GTPBP4: variants seen among roughly 807,000 people sequenced by gnomAD.
The protein encoded by GTPBP4 is GTP-binding protein 4.
GTPBP4 carries 15 observed loss-of-function variants against 81.7 expected under a neutral mutation model. That is an observed-to-expected ratio of 0.18 (90% CI 0.12 to 0.28). The LOEUF (loss-of-function observed/expected upper bound fraction) is 0.28, where lower values mean the gene tolerates loss of function less well. Ranked by LOEUF, GTPBP4 falls within the 10% of genes least tolerant of loss-of-function variation. The pLI, the probability that GTPBP4 is intolerant of heterozygous loss-of-function variation, is 1.00. For synonymous variants in GTPBP4, 272 were observed against 274.6 expected, an observed-to-expected ratio of 0.99 and a Z score of 0.09; for missense variants, 847 against 793.8, an observed-to-expected ratio of 1.07 and a Z score of -0.81.
chr10:1,008,887 A>T (rs769028454), intron 10 of GTPBP4, 71 bp from the exon 11 acceptor site: 1 of 1,156,484 alleles, frequency 8.6e-7, no homozygotes, highest in South Asian at 1.2e-5. Context: ...ATTTGTTTCT[A>T]CTTTTTCGGC....
At chr10:1,011,872 C>T (rs994736867) in intron 13 of GTPBP4, among the ~76,000 whole-genome samples, 1 of 152,216 alleles carries the variant, frequency 6.6e-6, no homozygotes, top group Non-Finnish European at 1.5e-5. Flanking sequence ...AGCCTTGAGA[C>T]TTCCCTCCTC....
chr10:1,001,598 T>A (rs1390168329), intron 8 of GTPBP4, among the ~76,000 whole-genome samples: 2 of 152,156 alleles, frequency 1.3e-5, no homozygotes, highest in Admixed American at 1.3e-4. Context: ...CCCAGCAATG[T>A]CAGCATCACC....
Position 1,009,742 on chromosome 10 carries a change from T to G in GTPBP4, c.1243+162T>G, listed in dbSNP as rs368771356. 2.0e-5 allele frequency among the ~76,000 whole-genome samples: 3 copies of G among 152,368 alleles called. No individual in the cohort carries two copies. In the South Asian group the frequency reaches 6.2e-4, roughly 32 times the overall value. On this transcript the variant is annotated intron_variant, in intron 12 of 16. Coordinates refer to ENST00000360803, the MANE Select transcript of GTPBP4 (RefSeq NM_012341.3). ...GTTGCATCCTGAGGGCCAGGTGCAG[T>G]GGCTCACGCCTGTAATCACAGCACT...
intron 14 of GTPBP4, among the ~76,000 whole-genome samples, chr10:1,013,479 G>A (rs1214042982): frequency 2.8e-5 from 3 of 105,510 alleles, no homozygotes; most frequent in East Asian, 8.3e-4. Flanking sequence ...GCGTGGTGGC[G>A]GGCGCCTGTA....
At chr10:1,000,599 G>A in intron 6 of GTPBP4, 78 bp from the exon 7 acceptor site, 1 of 732,126 alleles carries the variant, frequency 1.4e-6, no homozygotes, top group Non-Finnish European at 2.1e-6. Context: ...TTGGGTGTGT[G>A]TGAGTGACTT....
chr10:1,015,285 C>T (rs927096011), intron 15 of GTPBP4, among the ~76,000 whole-genome samples: 2 of 152,188 alleles, frequency 1.3e-5, no homozygotes, highest in Non-Finnish European at 2.9e-5. Flanking sequence ...GACCTTTAGC[C>T]CATGTGTTAA....
chr10:1,000,593 G>A, intron 6 of GTPBP4, 84 bp from the exon 7 acceptor site: 2 of 645,350 alleles, frequency 3.1e-6, no homozygotes, highest in Admixed American at 3.7e-5. Flanking sequence ...GTCTGGTTGG[G>A]TGTGTGTGAG....
At position 1,019,769 on chromosome 10, in the gene GTPBP4, C is replaced by A. The variant is rs1832058502; in HGVS notation, c.*2542C>A. ...GAAGGTAACAAATTTCATGCTCTCC[C>A]CAAATTCTGTCTGATTTTGCCTTGT... On this transcript the variant is annotated 3_prime_UTR_variant, in exon 17 of 17. Transcript: ENST00000360803. The A allele has an allele frequency of 2.5e-6, 4 of 1,613,998 alleles. No homozygotes were observed. Among genetic ancestry groups the A allele is most frequent in the Non-Finnish European group, 2.5e-6 (3 of 1,179,988 alleles).
chr10:1,007,374 T>A, intron 10 of GTPBP4: 1 of 377,700 alleles, frequency 2.6e-6, no homozygotes, highest in Non-Finnish European at 4.8e-6. Flanking sequence ...GAAATGTTTC[T>A]GATATAGAAG....
chr10:995,446 C>A (rs1831521637), intron 2 of GTPBP4, among the ~76,000 whole-genome samples: 1 of 151,986 alleles, frequency 6.6e-6, no homozygotes, highest in Non-Finnish European at 1.5e-5. Flanking sequence ...ACACAGAATT[C>A]TGGAGAGAGT....
chr10:995,931 T>A lies in GTPBP4; in HGVS notation c.222T>A (p.Asp74Glu), dbSNP rs981687831. The stretch of plus-strand genomic sequence containing the variant: ...TGGTGTGCTTTTGTTTGTTACAGGA[T>A]ATTCATCCGTTCTATGCTGATTTGA... ...QILTDFPKLD[D>E]IHPFYADLMN... Residue 74 changes from aspartate (D) to glutamate (E), a missense_variant and splice_region_variant, in exon 3 of 17, where the codon GAT becomes GAA. By Grantham distance (45) the Asp-to-Glu change is conservative. Coordinates refer to ENST00000360803, the MANE Select transcript of GTPBP4 (RefSeq NM_012341.3). 1.3e-6 allele frequency: 2 copies of A among 1,579,944 alleles called. No individual in the cohort carries two copies. The highest frequency in any genetic ancestry group is 1.7e-6 in the Non-Finnish European group (2 of 1,149,618).
In GTPBP4 at chr10:1,000,635, G is replaced by GT. The variant is rs746141534; in HGVS notation, c.655-41dup. On this transcript the variant is annotated intron_variant, in intron 6 of 16. Coordinates refer to ENST00000360803, the MANE Select transcript of GTPBP4 (RefSeq NM_012341.3). ...CTGGGATGTGCTGGACAAGAAGCTT[G>GT]TGGGTGAGTGTGCTTTCAGTGACAA... is the stretch of plus-strand genomic sequence containing the variant. 17 of 1,248,498 alleles carry GT rather than the reference G, an allele frequency of 1.4e-5. No individual in the cohort carries two copies. In the East Asian group the frequency reaches 4.2e-4, roughly 31 times the overall value. The allele number at this position is 1,248,498 out of a possible 1,614,324, so 77.3% of individuals were successfully genotyped here. A position where few individuals can be genotyped will look rare whatever the true frequency, so the allele number is the denominator to read the frequency against.
At position 997,376 on chromosome 10, in the gene GTPBP4, G is replaced by A. The variant is rs1040259362; in HGVS notation, c.561+68G>A. The A allele has an allele frequency of 1.5e-5, 13 of 893,466 alleles. No individual in the cohort carries two copies. The East Asian group carries it at 2.2e-4, about 15-fold the overall frequency. 55.3% of individuals were successfully genotyped at this position (893,466 alleles called of 1,614,324 possible). A position where few individuals can be genotyped will look rare whatever the true frequency, so the allele number is the denominator to read the frequency against. ...TACGTCAGTGTTACTGTATTCTGGC[G>A]GCGTGGGATTCAGGATGGCCTTGTA... On this transcript the variant is annotated intron_variant, in intron 5 of 16. Coordinates refer to ENST00000360803, the MANE Select transcript of GTPBP4 (RefSeq NM_012341.3).
At chr10:999,519 C>CA (rs1831587246) in intron 6 of GTPBP4, among the ~76,000 whole-genome samples, 1 of 152,252 alleles carries the variant, frequency 6.6e-6, no homozygotes, top group Non-Finnish European at 1.5e-5. Context: ...TCTTGGGATG[C>CA]ATAAGAACAG....
intron 9 of GTPBP4, 31 bp downstream of exon 9, chr10:1,005,938 T>C: frequency 9.5e-7 from 1 of 1,050,238 alleles, no homozygotes; most frequent in Non-Finnish European, 1.4e-6. Context: ...GGTATTAGTC[T>C]TTTTACTGTC....
Position 995,671 on chromosome 10 carries a change from G to T in GTPBP4, c.220-258G>T, listed in dbSNP as rs557997942. ...CAGGAAGGGTACATGCAGGGTCGGGGGCTGGTCATTGCTGGGTCCCACAGC... is the reference window on the plus strand; with the variant it reads ...CAGGAAGGGTACATGCAGGGTCGGGTGCTGGTCATTGCTGGGTCCCACAGC... On this transcript the variant is annotated intron_variant, in intron 2 of 16. Transcript: ENST00000360803. Among the ~76,000 whole-genome samples the T allele has an allele frequency of 3.7e-3, 569 of 152,320 alleles. 6 individuals carry two copies. Among genetic ancestry groups the T allele is most frequent in the African/African-American group, 0.013 (523 of 41,558 alleles).
intron 2 of GTPBP4, among the ~76,000 whole-genome samples, chr10:993,946 ACAGGGTTTCAC>A (rs2132156286): frequency 6.6e-6 from 1 of 151,742 alleles, no homozygotes; most frequent in African/African-American, 2.4e-5. Context: ...TTTAGTAGAG[ACAGGGTTTCAC>A]CATGTTGGCC....
chr10:1,019,609 T>G lies in GTPBP4; in HGVS notation c.*2382T>G, dbSNP rs370782776. Reference sequence around the variant, plus strand: ...TACAGAAACCTCTCGGCAATGGTTCTTAGCCAGGGGGTGACTTTGACTTCA... The same window carrying G: ...TACAGAAACCTCTCGGCAATGGTTCGTAGCCAGGGGGTGACTTTGACTTCA... On this transcript the variant is annotated 3_prime_UTR_variant, in exon 17 of 17. Coordinates refer to ENST00000360803, the MANE Select transcript of GTPBP4 (RefSeq NM_012341.3). 1 of 1,613,948 alleles carries G rather than the reference T, an allele frequency of 6.2e-7. No homozygotes were observed. Among genetic ancestry groups the G allele is most frequent in the African/African-American group, 1.3e-5 (1 of 74,910 alleles).
intron 13 of GTPBP4, among the ~76,000 whole-genome samples, chr10:1,012,008 G>A (rs74992043): frequency 2.6e-5 from 4 of 152,330 alleles, no homozygotes; most frequent in East Asian, 1.9e-4. Context: ...TGCCTCATTG[G>A]GGGGTGATAA....
Sources: allele counts gnomAD v4.1 joint callset (sites outside exome capture counted in the v4.1 genomes callset), GRCh38; gene constraint gnomAD v4.1.1; transcripts MANE v1.5; gene names NCBI Gene and HGNC (gene_info 2026-07-23, HGNC 2026-07-21).